Variants in C17orf107 observed in about 807,000 individuals in gnomAD.
C17orf107 encodes the protein uncharacterized protein C17orf107.
In C17orf107, 9 loss-of-function variants were observed where a neutral mutation model predicts 8.9. That is an observed-to-expected ratio of 1.02 (90% confidence interval 0.61 to 1.77). The LOEUF is 1.77. C17orf107 is among the 40% of genes most tolerant of loss of function. C17orf107 has a pLI of 0.00. For synonymous variants in C17orf107, 139 were observed against 120.3 expected (o/e 1.16, Z -1.02); for missense variants, 281 against 249.0 (o/e 1.13, Z -0.86).
At chr17:4,905,687 C>G (rs1195422484), downstream of C17orf107, among the ~76,000 whole-genome samples, 3 of 151,832 alleles carry the variant, frequency 2.0e-5, no homozygotes, top group African/African-American at 4.8e-5. Flanking sequence ...ATGGTGAAAC[C>G]CCATCTCTAC....
rs760468205 is a variant in C17orf107, at chr17:4,902,399, A to G, written c.*1866A>G. 4 of 1,613,468 alleles carry G rather than the reference A, an allele frequency of 2.5e-6. No individual in the cohort carries two copies. Among genetic ancestry groups the G allele is most frequent in the East Asian group, 4.5e-5 (2 of 44,858 alleles). On this transcript the variant is annotated 3_prime_UTR_variant, in exon 3 of 3. Coordinates refer to ENST00000381365, the MANE Select transcript of C17orf107 (RefSeq NM_001145536.2). This position sits in a 1 kb window ranked among gnomAD's most constrained non-coding sequence, Gnocchi z 4.0. ...GCGCTGCCTGGGAGGGGTTTGGGGG[A>G]AAAGGGGTGCCCTGGACAAGACCTC...
At position 4,901,391 on chromosome 17, in the gene C17orf107, C is replaced by T; in HGVS notation, c.*858C>T. Reference sequence around the variant, plus strand: ...CTAGAGTAACAATCGAGAATGATTTCAGGACAGGGGTAAGCTAAACCCAGT... The same window carrying T: ...CTAGAGTAACAATCGAGAATGATTTTAGGACAGGGGTAAGCTAAACCCAGT... On this transcript the variant is annotated 3_prime_UTR_variant, in exon 3 of 3. Coordinates refer to ENST00000381365, the MANE Select transcript of C17orf107 (RefSeq NM_001145536.2). 1 of 978,980 alleles carries T rather than the reference C, an allele frequency of 1.0e-6. No homozygotes were observed. The highest frequency in any genetic ancestry group is 1.3e-5 in the South Asian group (1 of 75,118). 60.6% of individuals were successfully genotyped at this position (978,980 alleles called of 1,614,324 possible).
chr17:4,903,037 C>T (rs1970039108), downstream of C17orf107: 1 of 1,613,890 alleles, frequency 6.2e-7, no homozygotes. Context: ...CCAAGAGGAG[C>T]AGGACCCCAA....
Position 4,899,935 on chromosome 17 carries a change from G to A in C17orf107, c.67-1G>A. The A allele has an allele frequency of 6.4e-7, 1 of 1,550,482 alleles. No homozygotes were observed. Among genetic ancestry groups the A allele is most frequent in the African/African-American group, 1.4e-5 (1 of 73,154 alleles). On this transcript the variant is annotated splice_acceptor_variant, in intron 1 of 2. Coordinates refer to ENST00000381365, the MANE Select transcript of C17orf107 (RefSeq NM_001145536.2). LOFTEE classifies it high-confidence loss of function. The stretch of plus-strand genomic sequence containing the variant: ...ACTCTACTGCTCTGCTCCTTCTCCA[G>A]GTGGCCCTCCAGCCCCCGCTTCTGT...
chr17:4,900,461 G>GC lies in C17orf107; in HGVS notation c.502dup (p.Arg168ProfsTer75). On this transcript the variant is annotated frameshift_variant, in exon 3 of 3. Transcript: ENST00000381365. LOFTEE classifies it low-confidence loss of function (END_TRUNC). ...GTCTGCAGGGGTCTGCCTCATTCCT[G>GC]CGACAGTCGCAACAGCAGCTAGGCC... 1.3e-6 allele frequency: 2 copies of GC among 1,551,090 alleles called. No homozygotes were observed. The highest frequency in any genetic ancestry group is 1.7e-6 in the Non-Finnish European group (2 of 1,146,962).
In C17orf107 at chr17:4,900,687, G is replaced by T. The variant is rs1969951266; in HGVS notation, c.*154G>T. 4.8e-6 allele frequency: 7 copies of T among 1,461,122 alleles called. No individual in the cohort carries two copies. The Admixed American group carries it at 1.4e-4, about 29-fold the overall frequency. The allele number at this position is 1,461,122 out of a possible 1,614,324, so 90.5% of individuals were successfully genotyped here. ...CAGCCCCACCCAGCGTCCGAATAAA[G>T]CCCAGGGCGGGGCGAGACAGCCAGA... On this transcript the variant is annotated 3_prime_UTR_variant, in exon 3 of 3. Transcript: ENST00000381365.
chr17:4,906,672 G>A (rs1970096054), downstream of C17orf107, among the ~76,000 whole-genome samples: 1 of 151,996 alleles, frequency 6.6e-6, no homozygotes, highest in Non-Finnish European at 1.5e-5. Context: ...GGGCAATATA[G>A]TGAGACCTCA....
Position 4,901,475 on chromosome 17 carries a change from C to T in C17orf107, c.*942C>T, listed in dbSNP as rs367985398. On this transcript the variant is annotated 3_prime_UTR_variant, in exon 3 of 3. Transcript: ENST00000381365. The stretch of plus-strand genomic sequence containing the variant: ...GGCAAGCCCACCGTGGAAGTCCCCT[C>T]TCTGGACCCCGTCTAGAAGCGGGTT... 113 of 1,565,640 alleles carry T rather than the reference C, an allele frequency of 7.2e-5. No individual in the cohort carries two copies. In the African/African-American group the frequency reaches 1.4e-3, roughly 19 times the overall value.
In C17orf107 at chr17:4,902,326, C is replaced by A. The variant is rs1200020913; in HGVS notation, c.*1793C>A. 1 of 1,614,054 alleles carries A rather than the reference C, an allele frequency of 6.2e-7. No homozygotes were observed. Among genetic ancestry groups the A allele is most frequent in the Non-Finnish European group, 8.5e-7 (1 of 1,180,028 alleles). ...TAGTTGAGTCGGTAATCCTGCCAAT[C>A]CTAAGGGGTGGGGGATGGAAGGCCG... On this transcript the variant is annotated 3_prime_UTR_variant, in exon 3 of 3. Transcript: ENST00000381365. The surrounding 1 kb of genome is among the most constrained non-coding windows in gnomAD (Gnocchi z 4.0).
At chr17:4,903,006 C>T, downstream of C17orf107, 1 of 1,614,068 alleles carries the variant, frequency 6.2e-7, no homozygotes, top group Non-Finnish European at 8.5e-7. Flanking sequence ...CCCCTCTAGC[C>T]CCTGTCCGTA....
downstream of C17orf107, among the ~76,000 whole-genome samples, chr17:4,904,159 G>A (rs749180705): frequency 1.2e-4 from 18 of 151,904 alleles, no homozygotes; most frequent in Middle Eastern, 3.4e-3. Flanking sequence ...GCCCAGCCTC[G>A]ATGTTTTTTG....
At chr17:4,902,981 G>C, downstream of C17orf107, 1 of 1,613,124 alleles carries the variant, frequency 6.2e-7, no homozygotes, top group Non-Finnish European at 8.5e-7. This position sits in a 1 kb window ranked among gnomAD's most constrained non-coding sequence, Gnocchi z 4.0. Flanking sequence ...GTCAGTATCT[G>C]TGTGTGTCCA....
At position 4,902,063 on chromosome 17, in the gene C17orf107, G is replaced by C. The variant is rs1275579744; in HGVS notation, c.*1530G>C. The C allele has an allele frequency of 6.2e-7, 1 of 1,614,066 alleles. No homozygotes were observed. The highest frequency in any genetic ancestry group is 8.5e-7 in the Non-Finnish European group (1 of 1,180,036). Reference sequence around the variant, plus strand: ...CGTAGACGAGCACGTTGGCGTCGTAGGCCACTCCGAACTGGCCATCAATAC... The same window carrying C: ...CGTAGACGAGCACGTTGGCGTCGTACGCCACTCCGAACTGGCCATCAATAC... On this transcript the variant is annotated 3_prime_UTR_variant, in exon 3 of 3. Coordinates refer to ENST00000381365, the MANE Select transcript of C17orf107 (RefSeq NM_001145536.2). This position sits in a 1 kb window ranked among gnomAD's most constrained non-coding sequence, Gnocchi z 4.0.
Position 4,900,501 on chromosome 17 carries a change from G to A in C17orf107, c.541G>A (p.Glu181Lys). ...QQQLGLGIPG[E>K]PVSSGHGVS ...GCAGCTAGGCCTCGGAATCCCCGGAGAACCGGTGAGCTCAGGACACGGGGT... is the reference window on the plus strand; with the variant it reads ...GCAGCTAGGCCTCGGAATCCCCGGAAAACCGGTGAGCTCAGGACACGGGGT... The change falls in exon 3 of 3, where the codon GAA (glutamate) becomes AAA (lysine). Residue 181 changes from glutamate to lysine, a missense_variant. By Grantham distance (56) the Glu-to-Lys change is moderately conservative (BLOSUM62 1). Transcript: ENST00000381365. The A allele has an allele frequency of 1.3e-6, 2 of 1,550,980 alleles. No homozygotes were observed. The highest frequency in any genetic ancestry group is 1.2e-5 in the South Asian group (1 of 84,070).
intron 2 of C17orf107, 29 bp downstream of exon 2, chr17:4,900,174 G>A (rs759592722): frequency 3.2e-6 from 5 of 1,545,602 alleles, no homozygotes; most frequent in African/African-American, 1.4e-5. Flanking sequence ...TAGGATACGC[G>A]GCGATCGGGT....
chr17:4,900,211 C>G, intron 2 of C17orf107, 26 bp from the exon 3 acceptor site: 2 of 1,544,436 alleles, frequency 1.3e-6, no homozygotes, highest in East Asian at 2.5e-5. Flanking sequence ...TCTGCCTCCC[C>G]GCTAACCCCT....
Position 4,900,159 on chromosome 17 carries a change from G to A in C17orf107, c.276+14G>A. 1.3e-6 allele frequency: 2 copies of A among 1,548,400 alleles called. No individual in the cohort carries two copies. The highest frequency in any genetic ancestry group is 1.7e-6 in the Non-Finnish European group (2 of 1,145,684). ...ACCTTGTTAGAGGTGGGGTACTGGG[G>A]GGCTTAGGATACGCGGCGATCGGGT... On this transcript the variant is annotated intron_variant, in intron 2 of 2. Transcript: ENST00000381365.
chr17:4,901,808 G>T lies in C17orf107; in HGVS notation c.*1275G>T. On this transcript the variant is annotated 3_prime_UTR_variant, in exon 3 of 3. Coordinates refer to ENST00000381365, the MANE Select transcript of C17orf107 (RefSeq NM_001145536.2). ...GCCGCGCTGGAGCGTCCCACCCAGTGCCTACGCCTGGCTCCGCCTCCAGCG... is the reference window on the plus strand; with the variant it reads ...GCCGCGCTGGAGCGTCCCACCCAGTTCCTACGCCTGGCTCCGCCTCCAGCG... 7.0e-7 allele frequency: 1 copy of T among 1,430,790 alleles called. No individual in the cohort carries two copies. Among genetic ancestry groups the T allele is most frequent in the Non-Finnish European group, 9.8e-7 (1 of 1,024,820 alleles). The allele number at this position is 1,430,790 out of a possible 1,614,324, so 88.6% of individuals were successfully genotyped here. A position where few individuals can be genotyped will look rare whatever the true frequency, so the allele number is the denominator to read the frequency against.
rs774497563 is a variant in C17orf107, at chr17:4,900,821, T to A, written c.*288T>A. ...CCCAGGAGCGGCACGCTCAGAGAAG[T>A]CTCTGGGATTTTCTGGGCAATGAGG... is the stretch of plus-strand genomic sequence containing the variant. On this transcript the variant is annotated 3_prime_UTR_variant, in exon 3 of 3. Coordinates refer to ENST00000381365, the MANE Select transcript of C17orf107 (RefSeq NM_001145536.2). 6.2e-7 allele frequency: 1 copy of A among 1,613,824 alleles called. No individual in the cohort carries two copies. Among genetic ancestry groups the A allele is most frequent in the Non-Finnish European group, 8.5e-7 (1 of 1,179,914 alleles).
Sources: allele counts gnomAD v4.1 joint callset (sites outside exome capture counted in the v4.1 genomes callset), GRCh38; gene constraint gnomAD v4.1.1; non-coding constraint Gnocchi (gnomAD v3.1); transcripts MANE v1.5; gene names NCBI Gene and HGNC (gene_info 2026-07-23, HGNC 2026-07-21).